UGGT2: variants seen among roughly 807,000 people sequenced by gnomAD.
The protein encoded by UGGT2 is UDP-glucose glycoprotein glucosyltransferase 2.
In UGGT2, 180 loss-of-function variants were observed where a neutral mutation model predicts 192.1. The ratio of observed to expected loss-of-function variants is 0.94; its 90% CI spans 0.83 to 1.06. The LOEUF (loss-of-function observed/expected upper bound fraction) is 1.06, where lower values mean the gene tolerates loss of function less well. Ranked by LOEUF, UGGT2 falls within the 50% of genes least tolerant of loss-of-function variation. The pLI, the probability that UGGT2 is intolerant of heterozygous loss-of-function variation, is 0.00. For missense variants in UGGT2, 1,849 were observed against 1,795.7 expected (o/e 1.03, Z -0.54); for synonymous variants, 580 against 591.0 (o/e 0.98, Z 0.27).
chr13:95,919,837 A>G (rs918930018), intron 20 of UGGT2, among the ~76,000 whole-genome samples: 21 of 152,214 alleles, frequency 1.4e-4, no homozygotes, highest in African/African-American at 4.8e-4. Context: ...CATTCTTCAC[A>G]TATTTAGAAA....
At chr13:95,887,868 G>T in intron 26 of UGGT2, 24 bp downstream of exon 26, 1 of 1,456,108 alleles carries the variant, frequency 6.9e-7, no homozygotes, top group Non-Finnish European at 9.5e-7. Flanking sequence ...TTTTCAAAAT[G>T]AAATTTTGTT....
intron 12 of UGGT2, among the ~76,000 whole-genome samples, chr13:95,957,755 A>G (rs751480454): frequency 6.6e-6 from 1 of 152,242 alleles, no homozygotes; most frequent in Non-Finnish European, 1.5e-5. Context: ...TACTATGTCT[A>G]GAAGAGCCTT....
Position 96,043,474 on chromosome 13 carries a change from T to G in UGGT2, c.158+9681A>C, listed in dbSNP as rs141356108. ...AAAATACAATTAAAAAAACAAGGTA[T>G]ACAGGCAACAAATAGCACAATGAAT... is the stretch of plus-strand genomic sequence containing the variant. On this transcript the variant is annotated intron_variant, in intron 1 of 38. Transcript: ENST00000376747. 1.0e-3 allele frequency among the ~76,000 whole-genome samples: 156 copies of G among 152,054 alleles called. 1 individual carries two copies. Among genetic ancestry groups the G allele is most frequent in the African/African-American group, 3.5e-3 (146 of 41,512 alleles).
chr13:95,913,591 A>G (rs541088263), intron 20 of UGGT2, among the ~76,000 whole-genome samples: 52 of 152,238 alleles, frequency 3.4e-4, no homozygotes, highest in Middle Eastern at 6.8e-3. Context: ...GAAACAACAG[A>G]TGCTGGAGAG....
At chr13:95,918,674 C>T (rs1009010036) in intron 20 of UGGT2, among the ~76,000 whole-genome samples, 3 of 151,850 alleles carry the variant, frequency 2.0e-5, no homozygotes, top group African/African-American at 7.2e-5. Context: ...TAAACACAAT[C>T]AGCAATGATA....
At chr13:95,848,686 C>T (rs2140005063) in intron 36 of UGGT2, among the ~76,000 whole-genome samples, 1 of 152,306 alleles carries the variant, frequency 6.6e-6, no homozygotes, top group Admixed American at 6.5e-5. Context: ...TATAGCTTTA[C>T]AGTGAAATAA....
chr13:95,930,391 T>G (rs980234867), intron 17 of UGGT2, among the ~76,000 whole-genome samples: 1 of 151,570 alleles, frequency 6.6e-6, no homozygotes, highest in Non-Finnish European at 1.5e-5. Flanking sequence ...AGAATTCTTA[T>G]AGTTTTAAGT....
At chr13:95,987,120 T>C (rs1016279842) in intron 8 of UGGT2, among the ~76,000 whole-genome samples, 5 of 152,132 alleles carry the variant, frequency 3.3e-5, no homozygotes, top group African/African-American at 1.2e-4. Flanking sequence ...ACCCCACCAC[T>C]GAACCTAACC....
At chr13:95,928,595 C>T (rs922188403) in intron 17 of UGGT2, among the ~76,000 whole-genome samples, 17 of 150,568 alleles carry the variant, frequency 1.1e-4, no homozygotes, top group South Asian at 2.1e-4. Context: ...ACAGCCCAGA[C>T]GGGGCGGCGG....
At chr13:95,865,896 T>G (rs1287211844) in intron 30 of UGGT2, among the ~76,000 whole-genome samples, 1 of 152,232 alleles carries the variant, frequency 6.6e-6, no homozygotes, top group Non-Finnish European at 1.5e-5. Context: ...GTAAGGTATA[T>G]TCTATTGTTA....
At chr13:95,954,687 C>G (rs866439346) in intron 12 of UGGT2, among the ~76,000 whole-genome samples, 1 of 152,168 alleles carries the variant, frequency 6.6e-6, no homozygotes, top group African/African-American at 2.4e-5. Context: ...TCCTGCCTTT[C>G]CAGATGTACC....
intron 20 of UGGT2, among the ~76,000 whole-genome samples, chr13:95,904,219 C>T (rs2048201998): frequency 6.6e-6 from 1 of 151,978 alleles, no homozygotes; most frequent in South Asian, 2.1e-4. Flanking sequence ...GGTATTATAC[C>T]TGATGGCTAC....
chr13:95,931,533 G>A (rs1433677616), intron 17 of UGGT2, among the ~76,000 whole-genome samples: 5 of 151,304 alleles, frequency 3.3e-5, no homozygotes, highest in Admixed American at 1.3e-4. Flanking sequence ...ACCCCACGGT[G>A]CCGGGGCAGG....
chr13:95,983,454 C>T (rs1026725266), intron 10 of UGGT2: 10 of 358,468 alleles, frequency 2.8e-5, no homozygotes, highest in Middle Eastern at 3.8e-4. Context: ...AGGATTCTAC[C>T]GTTCCAGTGG....
At chr13:95,924,162 T>C (rs2048938543) in intron 20 of UGGT2, among the ~76,000 whole-genome samples, 1 of 152,128 alleles carries the variant, frequency 6.6e-6, no homozygotes, top group Non-Finnish European at 1.5e-5. Flanking sequence ...TTTGGGACAA[T>C]GAAAATAATC....
chr13:95,995,964 T>A (rs2051604685), intron 7 of UGGT2, 99 bp downstream of exon 7: 1 of 1,002,892 alleles, frequency 1.0e-6, no homozygotes. Context: ...ACTTTCTACA[T>A]AAAAGAAAGG....
chr13:95,831,198 G>C (rs773938145), intron 38 of UGGT2, among the ~76,000 whole-genome samples: 24 of 151,996 alleles, frequency 1.6e-4, no homozygotes, highest in Non-Finnish European at 3.1e-4. Flanking sequence ...AGTGGGTGCA[G>C]CACACCAACA....
At chr13:95,821,525 G>C (rs2139800124) in intron 38 of UGGT2, among the ~76,000 whole-genome samples, 1 of 152,062 alleles carries the variant, frequency 6.6e-6, no homozygotes. Flanking sequence ...CCCATTCTGT[G>C]GGTTGTAGGT....
chr13:95,947,143 T>A lies in UGGT2; in HGVS notation c.1571A>T (p.Asp524Val). Residue 524 changes from aspartate (D) to valine (V), a missense_variant, in exon 15 of 39, where the codon GAT (aspartate) becomes GTT (valine). By Grantham distance (152) the Asp-to-Val change is radical. Coordinates refer to ENST00000376747, the MANE Select transcript of UGGT2 (RefSeq NM_020121.4). ...RIGFVFILNTDDEVDGANDAG... is the reference protein window; with the variant it reads ...RIGFVFILNTVDEVDGANDAG... ...ATCATTTGCTCCATCAACTTCATCATCTGTATTAAGAATGAACACAAAACC... is the reference window on the plus strand; with the variant it reads ...ATCATTTGCTCCATCAACTTCATCAACTGTATTAAGAATGAACACAAAACC... The A allele has an allele frequency of 6.2e-7, 1 of 1,610,468 alleles. No individual in the cohort carries two copies. The highest frequency in any genetic ancestry group is 1.1e-5 in the South Asian group (1 of 90,058).
Sources: allele counts gnomAD v4.1 joint callset (sites outside exome capture counted in the v4.1 genomes callset), GRCh38; gene constraint gnomAD v4.1.1; transcripts MANE v1.5; gene names NCBI Gene and HGNC (gene_info 2026-07-23, HGNC 2026-07-21).